Variants in LRBA observed in about 807,000 individuals in gnomAD.
LRBA encodes the protein LPS responsive beige-like anchor protein.
In LRBA, 176 loss-of-function variants were observed where a neutral mutation model predicts 330.0. The observed-to-expected ratio is 0.53, with a 90% CI of 0.47 to 0.60. The LOEUF (loss-of-function observed/expected upper bound fraction) is 0.60, where lower values mean the gene tolerates loss of function less well. Ranked by LOEUF, LRBA falls within the 20% of genes least tolerant of loss-of-function variation. The pLI is 0.00. For missense variants in LRBA, 3,259 were observed against 3,444.8 expected (o/e 0.95, Z 1.35); for synonymous variants, 1,230 against 1,193.0 (o/e 1.03, Z -0.64).
intron 46 of LRBA, among the ~76,000 whole-genome samples, chr4:150,427,299 T>C (rs1010044687): frequency 3.3e-5 from 5 of 151,996 alleles, no homozygotes; most frequent in African/African-American, 9.7e-5. Flanking sequence ...CTGTATAGTA[T>C]GTAAATAGCA....
intron 47 of LRBA, among the ~76,000 whole-genome samples, chr4:150,361,509 T>G (rs765323909): frequency 6.6e-6 from 1 of 152,308 alleles, no homozygotes; most frequent in Admixed American, 6.5e-5. Context: ...ACCTCTGCAT[T>G]ATGGTGTTTG....
intron 4 of LRBA, 27 bp from the exon 5 acceptor site, chr4:150,921,320 A>C: frequency 7.5e-7 from 1 of 1,329,686 alleles, no homozygotes; most frequent in South Asian, 1.2e-5. Context: ...CAATTCATTA[A>C]CCACATTATT....
intron 40 of LRBA, among the ~76,000 whole-genome samples, chr4:150,555,372 G>C (rs1767159343): frequency 6.6e-6 from 1 of 152,126 alleles, no homozygotes; most frequent in African/African-American, 2.4e-5. Context: ...TTTTAGTAAA[G>C]ACAGCATACT....
chr4:150,704,497 C>G (rs1487698359), intron 36 of LRBA, among the ~76,000 whole-genome samples: 1 of 151,794 alleles, frequency 6.6e-6, no homozygotes, highest in East Asian at 1.9e-4. Flanking sequence ...TTTCTTAGGT[C>G]AGGGTATTTC....
chr4:150,979,616 G>C (rs567264042), intron 2 of LRBA, among the ~76,000 whole-genome samples: 1 of 152,256 alleles, frequency 6.6e-6, no homozygotes, highest in Admixed American at 6.5e-5. Flanking sequence ...GGAGATAAAG[G>C]TAAAGTGTAG....
At chr4:150,634,306 T>C (rs1302320003) in intron 37 of LRBA, among the ~76,000 whole-genome samples, 1 of 152,242 alleles carries the variant, frequency 6.6e-6, no homozygotes, top group Non-Finnish European at 1.5e-5. Context: ...ATAATATTAA[T>C]AGCTGTCTCT....
intron 40 of LRBA, among the ~76,000 whole-genome samples, chr4:150,496,276 C>G (rs766358643): frequency 1.3e-5 from 2 of 152,042 alleles, no homozygotes; most frequent in Non-Finnish European, 2.9e-5. Context: ...GCATTTTTTA[C>G]TTTCCCTTTA....
chr4:150,869,824 G>T (rs950863808), intron 20 of LRBA, among the ~76,000 whole-genome samples: 1 of 152,168 alleles, frequency 6.6e-6, no homozygotes, highest in Non-Finnish European at 1.5e-5. Flanking sequence ...GGAGGTTGAG[G>T]TGGGAAGATT....
intron 2 of LRBA, among the ~76,000 whole-genome samples, chr4:150,991,244 A>C (rs539532169): frequency 4.6e-5 from 7 of 152,326 alleles, no homozygotes; most frequent in African/African-American, 1.7e-4. Context: ...TACAGCAACT[A>C]CATTACTGGT....
chr4:150,508,287 G>C (rs1761399592), intron 40 of LRBA, among the ~76,000 whole-genome samples: 1 of 127,540 alleles, frequency 7.8e-6, no homozygotes, highest in Non-Finnish European at 1.7e-5. Context: ...AAGCAGTTTT[G>C]TTTTGTTTTT....
intron 37 of LRBA, among the ~76,000 whole-genome samples, chr4:150,662,579 A>C (rs1781216284): frequency 6.6e-6 from 1 of 152,222 alleles, no homozygotes; most frequent in Admixed American, 6.5e-5. Context: ...TCTGTTTGCA[A>C]AGGTGAAGAA....
intron 35 of LRBA, among the ~76,000 whole-genome samples, chr4:150,754,457 T>TA (rs1274874557): frequency 2.5e-5 from 3 of 119,380 alleles, no homozygotes; most frequent in African/African-American, 9.9e-5. Context: ...TAAACAGAGA[T>TA]AAAGACATGA....
chr4:150,506,049 G>C (rs1001627955), intron 40 of LRBA, among the ~76,000 whole-genome samples: 9 of 152,154 alleles, frequency 5.9e-5, no homozygotes, highest in African/African-American at 1.7e-4. Flanking sequence ...TCTCTGAATA[G>C]ACCAATAACA....
At chr4:150,575,027 C>T (rs1474088732) in intron 40 of LRBA, among the ~76,000 whole-genome samples, 1 of 151,780 alleles carries the variant, frequency 6.6e-6, no homozygotes, top group Non-Finnish European at 1.5e-5. Flanking sequence ...TACCTATATA[C>T]CAAATCAGTC....
chr4:150,496,573 T>C (rs1211692558), intron 40 of LRBA, among the ~76,000 whole-genome samples: 1 of 152,034 alleles, frequency 6.6e-6, no homozygotes, highest in Non-Finnish European at 1.5e-5. Flanking sequence ...TAAAATGTTT[T>C]ACCTCAAAAA....
chr4:150,923,184 C>CA (rs372277904), intron 4 of LRBA, among the ~76,000 whole-genome samples: 111,260 of 137,340 alleles, frequency 0.81, 46,435 homozygotes, highest in Non-Finnish European at 0.94. Context: ...ATCGTAAAGT[C>CA]AAAAAAAAAA....
chr4:150,586,413 G>A (rs1772116148), intron 40 of LRBA, among the ~76,000 whole-genome samples: 1 of 151,970 alleles, frequency 6.6e-6, no homozygotes, highest in African/African-American at 2.4e-5. Flanking sequence ...CAGTTAAAAA[G>A]GAAAAACACT....
At chr4:150,314,338 A>T (rs1405838819) in intron 51 of LRBA, among the ~76,000 whole-genome samples, 1 of 152,130 alleles carries the variant, frequency 6.6e-6, no homozygotes, top group Non-Finnish European at 1.5e-5. Flanking sequence ...TTTAAGAACC[A>T]GAGTGGTATT....
chr4:150,881,145 A>G (rs1728331247), intron 17 of LRBA, among the ~76,000 whole-genome samples: 1 of 152,198 alleles, frequency 6.6e-6, no homozygotes, highest in Non-Finnish European at 1.5e-5. Flanking sequence ...ACTACCATTC[A>G]ACTCAGCAAT....
Sources: gnomAD v4.1 joint callset for allele counts (sites outside exome capture counted in the v4.1 genomes callset) on GRCh38, gnomAD v4.1.1 for gene constraint, MANE v1.5 for transcripts, NCBI Gene and HGNC (gene_info 2026-07-23, HGNC 2026-07-21) for gene names.